The following NARS2 variants were observed in gnomAD, a reference collection of about 807,000 sequenced individuals.
NARS2 encodes the protein asparaginyl-tRNA synthetase 2, mitochondrial.
Under a neutral mutation model 62.9 loss-of-function variants are expected in NARS2, and 60 were observed. The observed-to-expected ratio is 0.95, with a 90% CI of 0.77 to 1.18. NARS2 has a LOEUF of 1.18. Ranked by LOEUF, NARS2 falls within the 50% of genes most tolerant of loss-of-function variation. The probability of loss-of-function intolerance (pLI) is 0.00; values close to 1 mark genes in which losing one functional copy is unlikely to be tolerated. For missense variants in NARS2, 619 were observed against 576.4 expected (o/e 1.07, Z -0.76); for synonymous variants, 196 against 200.0 (o/e 0.98, Z 0.17).
chr11:78,491,059 G>C (rs1361699719), intron 7 of NARS2, among the ~76,000 whole-genome samples: 3 of 152,168 alleles, frequency 2.0e-5, no homozygotes, highest in African/African-American at 7.2e-5. Flanking sequence ...AAAGAATTAG[G>C]GGATGGGCTC....
chr11:78,524,626 C>T (rs547733004), intron 6 of NARS2, among the ~76,000 whole-genome samples: 1 of 151,854 alleles, frequency 6.6e-6, no homozygotes, highest in East Asian at 1.9e-4. Flanking sequence ...ATGAACTTAC[C>T]ACTTATAAAT....
intron 4 of NARS2, among the ~76,000 whole-genome samples, chr11:78,560,333 C>T (rs549526991): frequency 7.2e-5 from 11 of 152,248 alleles, no homozygotes; most frequent in South Asian, 2.1e-4. Flanking sequence ...GGAGCTCTTC[C>T]GAACAAAAGT....
chr11:78,448,160 C>T lies in NARS2; in HGVS notation c.1165-4402G>A, dbSNP rs150775249. ...CAAAACAGTACATTATACCCCATAA[C>T]GTTAGAATGTTGCATATACTTATTA... On this transcript the variant is annotated intron_variant, in intron 11 of 13. Transcript: ENST00000281038. Among the ~76,000 whole-genome samples the T allele has an allele frequency of 1.8e-3, 270 of 152,136 alleles. 2 individuals carry two copies. The highest frequency in any genetic ancestry group is 6.8e-3 in the Middle Eastern group (2 of 294).
At chr11:78,472,040 T>C (rs1745284019) in intron 9 of NARS2, among the ~76,000 whole-genome samples, 2 of 152,180 alleles carry the variant, frequency 1.3e-5, no homozygotes, top group African/African-American at 4.8e-5. Flanking sequence ...ACCATTGGTA[T>C]GTTACTGTTT....
intron 1 of NARS2, among the ~76,000 whole-genome samples, chr11:78,572,708 T>C (rs1236456060): frequency 3.3e-5 from 5 of 152,216 alleles, no homozygotes; most frequent in African/African-American, 1.2e-4. Flanking sequence ...AACAGAAACA[T>C]AATGTGAGTC....
chr11:78,477,471 C>T (rs981242286), intron 9 of NARS2, among the ~76,000 whole-genome samples: 19 of 152,194 alleles, frequency 1.2e-4, no homozygotes, highest in Non-Finnish European at 1.9e-4. Context: ...TAACTCCTCT[C>T]TCTCACCCTC....
intron 11 of NARS2, among the ~76,000 whole-genome samples, chr11:78,450,044 A>G (rs998745998): frequency 3.9e-5 from 6 of 152,214 alleles, no homozygotes; most frequent in African/African-American, 7.2e-5. Context: ...TATGTATGTC[A>G]CTTCTCACAT....
chr11:78,456,394 G>C (rs772475487), intron 11 of NARS2, among the ~76,000 whole-genome samples: 5 of 152,166 alleles, frequency 3.3e-5, no homozygotes, highest in Non-Finnish European at 5.9e-5. Flanking sequence ...ACGACAGACT[G>C]AAATGGATAC....
At chr11:78,505,612 T>C (rs1326120683) in intron 6 of NARS2, among the ~76,000 whole-genome samples, 2 of 152,198 alleles carry the variant, frequency 1.3e-5, no homozygotes, top group Non-Finnish European at 2.9e-5. Context: ...ATCATCATTA[T>C]CTACCTGAAG....
intron 5 of NARS2, among the ~76,000 whole-genome samples, chr11:78,555,029 T>C (rs140354807): frequency 1.6e-4 from 24 of 152,350 alleles, no homozygotes; most frequent in Non-Finnish European, 3.2e-4. Context: ...ATGTGATGAA[T>C]CACTGTGATT....
intron 11 of NARS2, among the ~76,000 whole-genome samples, chr11:78,448,092 G>C (rs1857826416): frequency 6.6e-6 from 1 of 152,130 alleles, no homozygotes; most frequent in South Asian, 2.1e-4. Context: ...TGAAGGATCT[G>C]CTAATTAGTT....
chr11:78,493,333 A>G (rs1475512609), intron 6 of NARS2, 138 bp from the exon 7 acceptor site: 33 of 778,984 alleles, frequency 4.2e-5, no homozygotes, highest in Non-Finnish European at 5.9e-5. Flanking sequence ...ATTTGCTGCT[A>G]CATATTTCTC....
chr11:78,520,002 G>A (rs1487277424), intron 6 of NARS2, among the ~76,000 whole-genome samples: 1 of 151,792 alleles, frequency 6.6e-6, no homozygotes, highest in African/African-American at 2.4e-5. Context: ...TAGTTTTTGA[G>A]TTTCTTGGTC....
chr11:78,483,160 G>A (rs1489933999), intron 7 of NARS2, among the ~76,000 whole-genome samples: 3 of 152,052 alleles, frequency 2.0e-5, no homozygotes, highest in East Asian at 3.9e-4. Context: ...CTCAACAGAC[G>A]CAGAAAAGGC....
chr11:78,487,303 C>T (rs1859620527), intron 7 of NARS2, among the ~76,000 whole-genome samples: 1 of 148,388 alleles, frequency 6.7e-6, no homozygotes, highest in African/African-American at 2.5e-5. Flanking sequence ...GTACAGTGAG[C>T]TGAGATCATG....
intron 6 of NARS2, among the ~76,000 whole-genome samples, chr11:78,506,321 T>C (rs909865427): frequency 1.3e-5 from 2 of 152,216 alleles, no homozygotes; most frequent in African/African-American, 4.8e-5. Context: ...ACTTAATTCC[T>C]AGTTATTTAC....
intron 5 of NARS2, among the ~76,000 whole-genome samples, chr11:78,551,407 T>C (rs1856106168): frequency 6.6e-6 from 1 of 152,206 alleles, no homozygotes. Context: ...AAATATGGAA[T>C]TGGTACAGTA....
chr11:78,521,789 C>CAAAAAAAA (rs58282524), intron 6 of NARS2, among the ~76,000 whole-genome samples: 7 of 96,344 alleles, frequency 7.3e-5, no homozygotes, highest in African/African-American at 3.3e-4. Context: ...GACTCCGTCT[C>CAAAAAAAA]AAAAAAAAAA....
chr11:78,574,608 C>A lies in NARS2; in HGVS notation c.-120G>T. The A allele has an allele frequency of 2.7e-6, 3 of 1,122,862 alleles. No homozygotes were observed. Among genetic ancestry groups the A allele is most frequent in the Non-Finnish European group, 3.7e-6 (3 of 813,780 alleles). 69.6% of individuals were successfully genotyped at this position (1,122,862 alleles called of 1,614,324 possible). On this transcript the variant is annotated 5_prime_UTR_variant, in exon 1 of 14. Transcript: ENST00000281038. ...GCGGCCGCAGCTCTGCTCTAAGGCA[C>A]TCCAGAGCCCCTCGGCTGCGCGCTT... is the stretch of plus-strand genomic sequence containing the variant.
Sources: gnomAD v4.1 joint callset for allele counts (sites outside exome capture counted in the v4.1 genomes callset) on GRCh38, gnomAD v4.1.1 for gene constraint, MANE v1.5 for transcripts, NCBI Gene and HGNC (gene_info 2026-07-23, HGNC 2026-07-21) for gene names.